RALGAPB: variants seen among roughly 807,000 people sequenced by gnomAD.
RALGAPB encodes ral GTPase-activating protein subunit beta.
Under a neutral mutation model 161.1 loss-of-function variants are expected in RALGAPB, and 25 were observed. The ratio of observed to expected loss-of-function variants is 0.16; its 90% CI spans 0.11 to 0.22. The LOEUF (loss-of-function observed/expected upper bound fraction) is 0.22, where lower values mean the gene tolerates loss of function less well. Among genes scored for constraint, RALGAPB ranks in the 10% least tolerant of loss-of-function variants. The pLI is 1.00. For synonymous variants in RALGAPB, 629 were observed against 626.1 expected (o/e 1.00, Z -0.07); for missense variants, 1,391 against 1,815.2 (o/e 0.77, Z 4.25).
intron 5 of RALGAPB, among the ~76,000 whole-genome samples, chr20:38,507,247 G>A (rs914000336): frequency 2.0e-5 from 3 of 151,920 alleles, no homozygotes; most frequent in African/African-American, 7.3e-5. Flanking sequence ...TCTGATTCTT[G>A]TCACTTTAGT....
chr20:38,494,784 A>G (rs1181719857), intron 3 of RALGAPB, among the ~76,000 whole-genome samples: 3 of 152,216 alleles, frequency 2.0e-5, no homozygotes, highest in Non-Finnish European at 4.4e-5. Context: ...TGCCTGGGAT[A>G]GTCTCATGAG....
chr20:38,475,087 A>G (rs1375658673), intron 1 of RALGAPB, among the ~76,000 whole-genome samples: 1 of 152,188 alleles, frequency 6.6e-6, no homozygotes, highest in Non-Finnish European at 1.5e-5. Flanking sequence ...TTGATTTTTA[A>G]TGTCTGATTC....
rs1037127212 is a variant in RALGAPB, at chr20:38,517,562, A to G, written c.1108A>G (p.Met370Val). 4 of 1,613,564 alleles carry G rather than the reference A, an allele frequency of 2.5e-6. No homozygotes were observed. Among genetic ancestry groups the G allele is most frequent in the South Asian group, 1.1e-5 (1 of 91,044 alleles). The change falls in exon 8 of 30, where the codon ATG (methionine) becomes GTG (valine). Residue 370 changes from methionine (M) to valine (V), a missense_variant. Around this residue, in one of 3 missense-constraint regions of RALGAPB, gnomAD observed 946 missense variants for 1,257.2 expected, o/e 0.75. Coordinates refer to ENST00000262879, the MANE Select transcript of RALGAPB (RefSeq NM_020336.4). ...APPTPVNRLSMPQSAAVSTTP... is the reference protein window; with the variant it reads ...APPTPVNRLSVPQSAAVSTTP... ...CCCAACACCCGTGAATAGATTAAGTATGCCTCAAAGTGCTGCTGTCAGTAC... is the reference window on the plus strand; with the variant it reads ...CCCAACACCCGTGAATAGATTAAGTGTGCCTCAAAGTGCTGCTGTCAGTAC...
chr20:38,540,116 A>G (rs1157638387), intron 17 of RALGAPB, among the ~76,000 whole-genome samples, 158 bp downstream of exon 17: 3 of 152,222 alleles, frequency 2.0e-5, no homozygotes, highest in African/African-American at 7.2e-5. Context: ...TTTGGGTACA[A>G]CTTGAAAACT....
intron 22 of RALGAPB, 136 bp from the exon 23 acceptor site, chr20:38,558,159 A>G: frequency 1.5e-6 from 1 of 682,516 alleles, no homozygotes; most frequent in Non-Finnish European, 2.2e-6. Context: ...TTAGTTTAGG[A>G]TTATGGTTGT....
intron 6 of RALGAPB, among the ~76,000 whole-genome samples, chr20:38,510,701 G>A (rs546929756): frequency 8.3e-6 from 1 of 120,698 alleles, no homozygotes; most frequent in African/African-American, 6.4e-5. Context: ...ACGAGGTCAG[G>A]AGATCGAGAC....
chr20:38,543,873 G>A (rs2087062109), intron 18 of RALGAPB, among the ~76,000 whole-genome samples: 1 of 152,154 alleles, frequency 6.6e-6, no homozygotes, highest in Non-Finnish European at 1.5e-5. Context: ...CTGCTGCACG[G>A]CATGGAGTTT....
At chr20:38,548,561 C>A in intron 19 of RALGAPB, 128 bp from the exon 20 acceptor site, 1 of 728,000 alleles carries the variant, frequency 1.4e-6, no homozygotes, top group Non-Finnish European at 2.3e-6. Flanking sequence ...AGAAGTGGTA[C>A]ACAAAAGATC....
At chr20:38,513,817 A>C (rs936750995) in intron 6 of RALGAPB, among the ~76,000 whole-genome samples, 3 of 152,150 alleles carry the variant, frequency 2.0e-5, no homozygotes, top group Non-Finnish European at 4.4e-5. Context: ...CCTGAAAGAA[A>C]AGTTTTGCTT....
intron 5 of RALGAPB, among the ~76,000 whole-genome samples, chr20:38,503,200 ATTAG>A (rs1379313397): frequency 2.0e-5 from 3 of 152,228 alleles, no homozygotes; most frequent in African/African-American, 7.2e-5. Flanking sequence ...CAAAATATGT[ATTAG>A]TTATTTGTTA....
intron 13 of RALGAPB, among the ~76,000 whole-genome samples, chr20:38,526,471 T>G (rs1423098501): frequency 1.3e-5 from 2 of 152,164 alleles, no homozygotes; most frequent in Non-Finnish European, 2.9e-5. Context: ...CAGTCTGCAC[T>G]TTCGTCCTAG....
At position 38,509,068 on chromosome 20, in the gene RALGAPB, A is replaced by G. The variant is rs761705662; in HGVS notation, c.741-9A>G. ...GAAATGGACTCAGTGGTGTGCATTT[A>G]TTTTCTAGATTGCTACGCTTTACAT... On this transcript the variant is annotated splice_polypyrimidine_tract_variant and intron_variant, in intron 5 of 29. Coordinates refer to ENST00000262879, the MANE Select transcript of RALGAPB (RefSeq NM_020336.4). 7 of 1,612,776 alleles carry G rather than the reference A, an allele frequency of 4.3e-6. No individual in the cohort carries two copies. Among genetic ancestry groups the G allele is most frequent in the Non-Finnish European group, 5.9e-6 (7 of 1,178,964 alleles).
chr20:38,525,019 C>T lies in RALGAPB; in HGVS notation c.1787+74C>T, dbSNP rs539199024. 4.8e-4 allele frequency: 669 copies of T among 1,380,262 alleles called. 2 individuals carry two copies. Among genetic ancestry groups the T allele is most frequent in the Admixed American group, 1.9e-3 (103 of 55,180 alleles). The allele number at this position is 1,380,262 out of a possible 1,614,324, so 85.5% of individuals were successfully genotyped here. On this transcript the variant is annotated intron_variant, in intron 11 of 29. Coordinates refer to ENST00000262879, the MANE Select transcript of RALGAPB (RefSeq NM_020336.4). The stretch of plus-strand genomic sequence containing the variant: ...TCTGTTGGTGCTTCCTCCCCAGTTT[C>T]CTAATGTATCCTGTCCAGTTGTCTT...
chr20:38,477,755 A>T (rs550197299), intron 1 of RALGAPB, among the ~76,000 whole-genome samples: 2 of 152,116 alleles, frequency 1.3e-5, no homozygotes, highest in South Asian at 4.1e-4. Flanking sequence ...GCTTTATTTG[A>T]TCCTTCTCCC....
intron 22 of RALGAPB, among the ~76,000 whole-genome samples, chr20:38,556,246 G>A (rs1015638397): frequency 2.0e-5 from 3 of 151,998 alleles, no homozygotes; most frequent in Non-Finnish European, 4.4e-5. Context: ...AGTCAATGAC[G>A]TTTTTTAAAC....
intron 21 of RALGAPB, 36 bp downstream of exon 21, chr20:38,551,259 G>A: frequency 6.3e-7 from 1 of 1,593,592 alleles, no homozygotes; most frequent in Non-Finnish European, 8.6e-7. Context: ...TCAAGGGGAT[G>A]AATAGAAACA....
chr20:38,547,177 G>C (rs1449456706), intron 19 of RALGAPB: 2 of 151,934 alleles, frequency 1.3e-5, no homozygotes, highest in African/African-American at 4.8e-5. Context: ...CTCCCCCTCA[G>C]TTATAAGCCA....
At chr20:38,535,775 G>C (rs950592726) in intron 16 of RALGAPB, among the ~76,000 whole-genome samples, 1 of 152,118 alleles carries the variant, frequency 6.6e-6, no homozygotes, top group Non-Finnish European at 1.5e-5. Flanking sequence ...AGTAGAGATG[G>C]GGTTTCACCA....
intron 1 of RALGAPB, among the ~76,000 whole-genome samples, chr20:38,485,123 A>G (rs2085078074): frequency 6.6e-6 from 1 of 152,198 alleles, no homozygotes; most frequent in Non-Finnish European, 1.5e-5. Flanking sequence ...AGCACAATAT[A>G]TTTTGTATTT....
Sources: allele counts gnomAD v4.1 joint callset (sites outside exome capture counted in the v4.1 genomes callset), GRCh38; gene constraint gnomAD v4.1.1; regional missense constraint gnomAD v4.1.1; transcripts MANE v1.5; gene names NCBI Gene and HGNC (gene_info 2026-07-23, HGNC 2026-07-21).